ST7: variants seen among roughly 807,000 people sequenced by gnomAD.
ST7 encodes suppression of tumorigenicity 7.
A neutral mutation model predicts 78.7 loss-of-function variants in ST7; 28 were observed. The observed-to-expected ratio is 0.36, with a 90% confidence interval of 0.26 to 0.49. The LOEUF (loss-of-function observed/expected upper bound fraction) is 0.49. Among genes scored for constraint, ST7 ranks in the 20% least tolerant of loss-of-function variants. The pLI is 0.99. For missense variants in ST7, 418 were observed against 696.0 expected, an observed-to-expected ratio of 0.60 and a Z score of 4.49; for synonymous variants, 247 against 249.6, an observed-to-expected ratio of 0.99 and a Z score of 0.10.
chr7:117,131,898 C>G lies in ST7; in HGVS notation c.579C>G (p.Ala193=). Residue 193 remains alanine (A), a synonymous_variant, in exon 6 of 16, where the codon GCC becomes GCG. Coordinates refer to ENST00000323984, the MANE Select transcript of ST7 (RefSeq NM_001369598.1). ...LRPADAIMQK[A]WRERNPQARI... ...TTTCTTAAATAGTAATGCAGAAAGCCTGGAGAGAGAGAAACCCCCAAGCTA... is the reference window on the plus strand; with the variant it reads ...TTTCTTAAATAGTAATGCAGAAAGCGTGGAGAGAGAGAAACCCCCAAGCTA... The G allele has an allele frequency of 6.2e-7, 1 of 1,611,074 alleles. No homozygotes were observed. The highest frequency in any genetic ancestry group is 8.5e-7 in the Non-Finnish European group (1 of 1,178,046).
At chr7:117,155,497 C>T (rs1003837553) in intron 9 of ST7, among the ~76,000 whole-genome samples, 7 of 152,110 alleles carry the variant, frequency 4.6e-5, no homozygotes, top group Non-Finnish European at 7.3e-5. Context: ...TGATAGTATA[C>T]CAAGCAAGAG....
At chr7:117,087,758 A>T (rs1024547764) in intron 1 of ST7, among the ~76,000 whole-genome samples, 10 of 152,282 alleles carry the variant, frequency 6.6e-5, no homozygotes, top group African/African-American at 1.9e-4. Context: ...CTTCACCAAC[A>T]TGCCCAGACT....
Position 117,229,943 on chromosome 7 carries a change from C to A in ST7, c.*86C>A. The A allele has an allele frequency of 8.3e-7, 1 of 1,198,658 alleles. No homozygotes were observed. Among genetic ancestry groups the A allele is most frequent in the Non-Finnish European group, 1.2e-6 (1 of 800,676 alleles). The allele number at this position is 1,198,658 out of a possible 1,614,324, so 74.3% of individuals were successfully genotyped here. ...CCTTGTGGACCGCAAGAAAGCATGA[C>A]TTTGAAAAAGGGAAGCCATTCCGAG... On this transcript the variant is annotated 3_prime_UTR_variant, in exon 16 of 16. Coordinates refer to ENST00000323984, the MANE Select transcript of ST7 (RefSeq NM_001369598.1).
chr7:116,958,610 C>G (rs1250558658), intron 1 of ST7: 2 of 471,410 alleles, frequency 4.2e-6, no homozygotes, highest in African/African-American at 2.0e-5. Context: ...ATGCTGCCTT[C>G]TGATCCTTTC....
chr7:116,967,619 C>T (rs562292771), intron 1 of ST7: 1 of 348,006 alleles, frequency 2.9e-6, no homozygotes, highest in African/African-American at 2.1e-5. Context: ...TTTACCAGTT[C>T]TGTGATCTTA....
chr7:117,180,578 A>G (rs1443327501), intron 10 of ST7, among the ~76,000 whole-genome samples: 1 of 152,220 alleles, frequency 6.6e-6, no homozygotes, highest in East Asian at 1.9e-4. Context: ...AATAAATAAA[A>G]GGAATATTAG....
chr7:116,958,440 A>G (rs995886291), intron 1 of ST7: 22 of 320,504 alleles, frequency 6.9e-5, no homozygotes, highest in African/African-American at 4.8e-4. Context: ...AATTTACTTA[A>G]CATTTAGATT....
chr7:117,069,855 G>C (rs1337533619), intron 1 of ST7, among the ~76,000 whole-genome samples: 1 of 152,164 alleles, frequency 6.6e-6, no homozygotes, highest in East Asian at 1.9e-4. Flanking sequence ...GGATGCCCTT[G>C]GCAGCTGGAC....
chr7:116,964,966 G>A (rs1793026585), intron 1 of ST7, among the ~76,000 whole-genome samples: 1 of 152,176 alleles, frequency 6.6e-6, no homozygotes, highest in African/African-American at 2.4e-5. Context: ...TGTTCTTAGA[G>A]GGAAAGCACA....
chr7:116,985,531 A>G (rs1429030373), intron 1 of ST7, among the ~76,000 whole-genome samples: 1 of 152,154 alleles, frequency 6.6e-6, no homozygotes, highest in Non-Finnish European at 1.5e-5. Flanking sequence ...ATATAAAGCA[A>G]TTTTTGTTTT....
intron 1 of ST7, among the ~76,000 whole-genome samples, chr7:117,011,180 T>TTA (rs1795370126): frequency 6.6e-6 from 1 of 152,088 alleles, no homozygotes; most frequent in African/African-American, 2.4e-5. Context: ...ATCTGTCTAC[T>TTA]TACCACCAGG....
At chr7:117,035,265 G>A (rs1584495485) in intron 1 of ST7, among the ~76,000 whole-genome samples, 1 of 151,890 alleles carries the variant, frequency 6.6e-6, no homozygotes, top group Admixed American at 6.6e-5. Flanking sequence ...AGCCTCTCTT[G>A]TTGAGGAAGT....
At chr7:117,112,886 A>G (rs1802546550) in intron 2 of ST7, among the ~76,000 whole-genome samples, 1 of 152,256 alleles carries the variant, frequency 6.6e-6, no homozygotes, top group African/African-American at 2.4e-5. Flanking sequence ...TTGTCAAATT[A>G]CAGCTTCTTG....
At chr7:117,199,218 C>T (rs74417391) in intron 12 of ST7, 27 of 152,140 alleles carry the variant, frequency 1.8e-4, no homozygotes, top group South Asian at 4.2e-4. Context: ...CCCAGGTGCC[C>T]ACAGTCATAG....
At chr7:117,146,232 G>T (rs563843606) in intron 9 of ST7, 1 of 152,150 alleles carries the variant, frequency 6.6e-6, no homozygotes, top group African/African-American at 2.4e-5. Context: ...CAGTGCCATC[G>T]CACTGTAAAG....
At chr7:117,049,137 C>G (rs924173801) in intron 1 of ST7, among the ~76,000 whole-genome samples, 3 of 152,168 alleles carry the variant, frequency 2.0e-5, no homozygotes, top group Non-Finnish European at 2.9e-5. Flanking sequence ...GCATCAGCAG[C>G]TTTATAGGTA....
At position 117,036,645 on chromosome 7, in the gene ST7, CA is replaced by C. The variant is rs1467118506; in HGVS notation, c.152-63116del. Among the ~76,000 whole-genome samples the C allele has an allele frequency of 4.6e-5, 7 of 152,236 alleles. No individual in the cohort carries two copies. The South Asian group carries it at 1.0e-3, about 23-fold the overall frequency. On this transcript the variant is annotated intron_variant, in intron 1 of 15. Coordinates refer to ENST00000323984, the MANE Select transcript of ST7 (RefSeq NM_001369598.1). The stretch of plus-strand genomic sequence containing the variant: ...GTTAAAAAGAGAAAGGAAGCAGGGA[CA>C]GGGGCATTTAGGTGGCAATTGTCTT...
chr7:117,141,688 T>C (rs181847413), intron 9 of ST7, among the ~76,000 whole-genome samples: 90 of 152,266 alleles, frequency 5.9e-4, no homozygotes, highest in African/African-American at 2.0e-3. Flanking sequence ...TTTTCTTTTT[T>C]AAGACAGAGT....
chr7:117,129,962 CA>C, intron 4 of ST7, 115 bp downstream of exon 4: 1 of 691,946 alleles, frequency 1.4e-6, no homozygotes, highest in Non-Finnish European at 2.4e-6. Flanking sequence ...GTAGTGCGTC[CA>C]TTTTTTAATA....
Sources: allele counts gnomAD v4.1 joint callset (sites outside exome capture counted in the v4.1 genomes callset), GRCh38; gene constraint gnomAD v4.1.1; transcripts MANE v1.5; gene names NCBI Gene and HGNC (gene_info 2026-07-23, HGNC 2026-07-21).